The following GK variants were observed in gnomAD, a reference collection of about 807,000 sequenced individuals.
GK encodes glycerol kinase, also known as ATP:glycerol 3-phosphotransferase.
A neutral mutation model predicts 56.4 loss-of-function variants in GK; 9 were observed. The observed-to-expected ratio is 0.16, with a 90% CI of 0.10 to 0.28. The LOEUF (loss-of-function observed/expected upper bound fraction) is 0.28, where lower values mean the gene tolerates loss of function less well. Ranked by LOEUF, GK falls within the 10% of genes least tolerant of loss-of-function variation. The probability of loss-of-function intolerance (pLI) is 1.00; values close to 1 mark genes in which losing one functional copy is unlikely to be tolerated. For synonymous variants in GK, 104 were observed against 144.1 expected, an observed-to-expected ratio of 0.72 and a Z score of 1.99; for missense variants, 161 against 431.4, an observed-to-expected ratio of 0.37 and a Z score of 5.55.
At chrX:30,662,691 T>TTCTC (rs1199331357) in intron 1 of GK, among the ~76,000 whole-genome samples, 2 of 108,948 alleles carry the variant, frequency 1.8e-5, no homozygotes, top group African/African-American at 6.7e-5. Context: ...CTTTCTTTCT[T>TTCTC]TCTCTCTCTC....
intron 4 of GK, chrX:30,678,223 G>C (rs1934042842): frequency 1.8e-5 from 7 of 396,469 alleles, no homozygotes; most frequent in Non-Finnish European, 3.1e-5. Context: ...TTCTACAAAT[G>C]TGGCTATTTG....
chrX:30,686,361 C>G (rs1289615644), intron 4 of GK, among the ~76,000 whole-genome samples: 1 of 112,137 alleles, frequency 8.9e-6, no homozygotes, highest in Admixed American at 9.5e-5. Context: ...GAGAAACAAC[C>G]CAATAACACT....
rs982244487 is a variant in GK at position 30,653,464 on chromosome X, A to G, written c.-74A>G. The G allele has an allele frequency of 1.1e-6, 1 of 934,903 alleles. No individual in the cohort carries two copies. The highest frequency in any genetic ancestry group is 1.9e-5 in the African/African-American group (1 of 52,869). 77.0% of individuals were successfully genotyped at this position (934,903 alleles called of 1,213,427 possible). A position where few individuals can be genotyped will look rare whatever the true frequency, so the allele number is the denominator to read the frequency against. ...CGCGGCCTCGATCTCTGGACTCGTC[A>G]CCTGCCCCTCCCCCTCCCGCCGCCG... On this transcript the variant is annotated 5_prime_UTR_variant, in exon 1 of 21. Coordinates refer to ENST00000427190, the MANE Select transcript of GK (RefSeq NM_001205019.2).
chrX:30,671,541 A>G (rs977915392), intron 3 of GK: 4 of 111,934 alleles, frequency 3.6e-5, no homozygotes, highest in African/African-American at 9.7e-5. Context: ...AACTTTGCCA[A>G]CTGAAGAGTG....
intron 15 of GK, 122 bp from the exon 16 acceptor site, chrX:30,719,889 T>G (rs1601950140): frequency 1.1e-5 from 6 of 525,703 alleles, no homozygotes; most frequent in Non-Finnish European, 2.1e-5. Flanking sequence ...ACTTAATGAT[T>G]ATGTCCAATT....
chrX:30,653,602 C>T lies in GK; in HGVS notation c.65C>T (p.Ser22Leu). The change falls in exon 1 of 21, where the codon TCG (serine) becomes TTG (leucine). Residue 22 changes from serine to leucine, a missense_variant. Physicochemically the swap from Ser to Leu is moderately radical, Grantham distance 145. Transcript: ENST00000427190. ...LVGAVDQGTS[S>L]TRFLVFNSKT... ...GGGGCGGTGGACCAGGGCACCAGTT[C>T]GACGCGCTTTTTGGTGAGCCCGGGG... The T allele has an allele frequency of 2.5e-6, 3 of 1,209,370 alleles. No homozygotes were observed. Among genetic ancestry groups the T allele is most frequent in the African/African-American group, 3.5e-5 (2 of 57,798 alleles).
chrX:30,715,404 T>C (rs1936565946), intron 13 of GK, among the ~76,000 whole-genome samples: 2 of 112,471 alleles, frequency 1.8e-5, no homozygotes, highest in Non-Finnish European at 3.8e-5. Flanking sequence ...TGCCCTGTTA[T>C]AATTTAATTT....
rs1303835048 is a variant in GK, at chrX:30,720,955, C to G, written c.1461C>G (p.Ala487=). ...GTCTCGAACCCGAGGATTTGTCTGC[C>G]GTCACGATGGAGCGGTTTGAACCTC... ...VWSLEPEDLS[A]VTMERFEPQI... Residue 487 remains alanine (A), a synonymous_variant, in exon 18 of 21, where the codon GCC becomes GCG. Transcript: ENST00000427190. 1 of 1,210,220 alleles carries G rather than the reference C, an allele frequency of 8.3e-7. No homozygotes were observed. Among genetic ancestry groups the G allele is most frequent in the South Asian group, 1.8e-5 (1 of 56,904 alleles).
At chrX:30,659,755 T>G (rs981678565) in intron 1 of GK, among the ~76,000 whole-genome samples, 2 of 112,317 alleles carry the variant, frequency 1.8e-5, no homozygotes, top group Admixed American at 9.4e-5. Context: ...TTTTTAAATA[T>G]TTTTTGTTTT....
chrX:30,720,237 C>A, intron 16 of GK, 142 bp downstream of exon 16: 1 of 493,335 alleles, frequency 2.0e-6, no homozygotes, highest in Admixed American at 3.0e-5. Context: ...TAAATATAAG[C>A]AGGGTTTTCC....
intron 11 of GK, among the ~76,000 whole-genome samples, chrX:30,703,471 G>A (rs1293403251): frequency 2.7e-5 from 3 of 111,041 alleles, no homozygotes; most frequent in Non-Finnish European, 5.7e-5. Flanking sequence ...GAGGCCATGA[G>A]TGAATGTGCA....
In GK at chrX:30,686,113, G is replaced by A. The variant is rs747890716; in HGVS notation, c.338-5010G>A. On this transcript the variant is annotated intron_variant, in intron 4 of 20. Transcript: ENST00000427190. ...ATATTTTGGCATTTTATACCCAAGAGCTGAAATTGGCTTCAGCCCCCGCCT... is the reference window on the plus strand; with the variant it reads ...ATATTTTGGCATTTTATACCCAAGAACTGAAATTGGCTTCAGCCCCCGCCT... Among the ~76,000 whole-genome samples, 7 of 112,545 alleles carry A rather than the reference G, an allele frequency of 6.2e-5. No homozygotes were observed. The East Asian group carries it at 2.0e-3, about 31-fold the overall frequency.
chrX:30,717,723 T>C (rs1936701796), intron 13 of GK, among the ~76,000 whole-genome samples: 1 of 112,376 alleles, frequency 8.9e-6, no homozygotes, highest in Non-Finnish European at 1.9e-5. Context: ...TATTCATCAG[T>C]CAGTGATATT....
rs186477379 is a variant in GK at position 30,658,359 on chromosome X, A to G, written c.78+4744A>G. 4.6e-5 allele frequency among the ~76,000 whole-genome samples: 5 copies of G among 109,861 alleles called. No homozygotes were observed. In the East Asian group the frequency reaches 1.1e-3, roughly 25 times the overall value. The stretch of plus-strand genomic sequence containing the variant: ...GAGACGGAGTCTCACTGTGTTACCC[A>G]AGCTGGAGTGCAGTGGCACGATCTC... On this transcript the variant is annotated intron_variant, in intron 1 of 20. Coordinates refer to ENST00000427190, the MANE Select transcript of GK (RefSeq NM_001205019.2).
At chrX:30,668,715 C>A (rs1406111344) in intron 3 of GK, among the ~76,000 whole-genome samples, 1 of 111,662 alleles carries the variant, frequency 9.0e-6, no homozygotes, top group South Asian at 3.7e-4. Context: ...TTCTTAGTAT[C>A]ATAGGGAGCC....
chrX:30,724,162 A>C lies in GK; in HGVS notation c.1563A>C (p.Thr521=). 1 of 1,151,083 alleles carries C rather than the reference A, an allele frequency of 8.7e-7. No homozygotes were observed. The highest frequency in any genetic ancestry group is 1.2e-6 in the Non-Finnish European group (1 of 840,740). The allele number at this position is 1,151,083 out of a possible 1,213,427, so 94.9% of individuals were successfully genotyped here. ...KAVMKSMGWV[T]TQSPESGDPS... is the part of the protein sequence containing the mutation. ...TGATGAAGTCAATGGGTTGGGTTACAACTCAATCTCCAGAAAGTGGTAAAA... is the reference window on the plus strand; with the variant it reads ...TGATGAAGTCAATGGGTTGGGTTACCACTCAATCTCCAGAAAGTGGTAAAA... The change falls in exon 19 of 21, where the codon ACA becomes ACC. Residue 521 remains threonine (T), a synonymous_variant. Transcript: ENST00000427190.
At chrX:30,679,693 C>T (rs763656822) in intron 4 of GK, among the ~76,000 whole-genome samples, 142 of 111,684 alleles carry the variant, frequency 1.3e-3, no homozygotes, top group Middle Eastern at 4.6e-3. Context: ...CCCCATTCTA[C>T]GTGCTTTGCA....
At chrX:30,682,654 A>G (rs1252836510) in intron 4 of GK, among the ~76,000 whole-genome samples, 1 of 112,306 alleles carries the variant, frequency 8.9e-6, no homozygotes, top group Admixed American at 9.4e-5. Context: ...TGAGATTTTC[A>G]CGTATATTTG....
intron 18 of GK, 187 bp from the exon 19 acceptor site, chrX:30,723,914 G>T: frequency 2.2e-6 from 1 of 460,452 alleles, no homozygotes; most frequent in Non-Finnish European, 4.0e-6. Context: ...TTCCAAGCAA[G>T]CATGTCTTCC....
Sources: gnomAD v4.1 joint callset for allele counts (sites outside exome capture counted in the v4.1 genomes callset) on GRCh38, gnomAD v4.1.1 for gene constraint, MANE v1.5 for transcripts, NCBI Gene and HGNC (gene_info 2026-07-23, HGNC 2026-07-21) for gene names.